The following MYL5 variants were observed in gnomAD, a reference collection of about 807,000 sequenced individuals.
MYL5 encodes the protein myosin regulatory light chain 5.
In MYL5, 28 loss-of-function variants were observed where a neutral mutation model predicts 20.8. The ratio of observed to expected loss-of-function variants is 1.35; its 90% CI spans 1.00 to 1.84. The LOEUF is 1.84. MYL5 is among the 40% of genes most tolerant of loss of function. The pLI, the probability that MYL5 is intolerant of heterozygous loss-of-function variation, is 0.00. For missense variants in MYL5, 274 were observed against 227.3 expected, an observed-to-expected ratio of 1.21 and a Z score of -1.32; for synonymous variants, 118 against 87.4, an observed-to-expected ratio of 1.35 and a Z score of -1.95.
intron 1 of MYL5, 117 bp from the exon 4 acceptor site, chr4:678,541 C>G (rs1178575551): frequency 2.0e-6 from 3 of 1,470,106 alleles, no homozygotes; most frequent in East Asian, 5.0e-5. Context: ...CTGGCCCCCT[C>G]CAGCCCGAAG....
upstream of MYL5, chr4:674,560 G>T (rs990745152): frequency 4.3e-6 from 2 of 461,160 alleles, no homozygotes; most frequent in Non-Finnish European, 7.7e-6. Flanking sequence ...GCAGGGCTGG[G>T]GGTCCGCTGT....
At chr4:674,842 G>C (rs1738724653), upstream of MYL5, 1 of 152,908 alleles carries the variant, frequency 6.5e-6, no homozygotes, top group Non-Finnish European at 1.5e-5. Flanking sequence ...GTCGCCGGCC[G>C]GGCCGCGTTG....
exon 2 of MYL5, chr4:678,727 T>C (rs1443011845): frequency 9.9e-6 from 16 of 1,612,118 alleles, no homozygotes; most frequent in Non-Finnish European, 1.4e-5. Flanking sequence ...CAATGTCTTC[T>C]CCAACTTTGA....
chr4:675,681 C>G (rs1273599371), upstream of MYL5: 3 of 152,376 alleles, frequency 2.0e-5, no homozygotes, highest in South Asian at 2.1e-4. Context: ...TCCCCAACCC[C>G]CAGGTGCAGA....
At chr4:679,717 T>TCAGCACTTA (rs1739250427) in intron 3 of MYL5, among the ~76,000 whole-genome samples, 197 bp from the exon 6 acceptor site, 1 of 152,182 alleles carries the variant, frequency 6.6e-6, no homozygotes, top group African/African-American at 2.4e-5. Flanking sequence ...CACTTAGTCC[T>TCAGCACTTA]GGGGCTCACG....
At chr4:681,170 A>T in intron 6 of MYL5, 30 bp downstream of exon 8, 1 of 1,594,716 alleles carries the variant, frequency 6.3e-7, no homozygotes. Flanking sequence ...TGCCAAGCCC[A>T]CGAGGGGAGG....
chr4:681,795 C>T, intron 6 of MYL5, 98 bp from the exon 9 acceptor site: 1 of 1,240,402 alleles, frequency 8.1e-7, no homozygotes. Context: ...CCCCGCTCCC[C>T]CTCCCGCGGC....
chr4:681,766 A>C lies in MYL5; in HGVS notation c.421-127A>C, dbSNP rs1481995973. 9.6e-6 allele frequency: 11 copies of C among 1,150,892 alleles called. No individual in the cohort carries two copies. The African/African-American group carries it at 1.9e-4, about 20-fold the overall frequency. 71.3% of individuals were successfully genotyped at this position (1,150,892 alleles called of 1,614,324 possible). A position where few individuals can be genotyped will look rare whatever the true frequency, so the allele number is the denominator to read the frequency against. On this transcript the variant is annotated intron_variant, in intron 6 of 6. Transcript: ENST00000400159. Reference sequence around the variant, plus strand: ...CCCCGCCCCCTCCAGCGCCGCCCTCACCCCGCACCCGGGCCCCTCCCCGCT... The same window carrying C: ...CCCCGCCCCCTCCAGCGCCGCCCTCCCCCCGCACCCGGGCCCCTCCCCGCT...
intron 3 of MYL5, 73 bp downstream of exon 5, chr4:679,106 G>T (rs754502735): frequency 6.2e-5 from 79 of 1,270,046 alleles, no homozygotes; most frequent in Non-Finnish European, 8.3e-5. Context: ...TCCAGACGCC[G>T]CGGCCCCTCC....
At chr4:679,271 G>A in intron 3 of MYL5, 1 of 631,766 alleles carries the variant, frequency 1.6e-6, no homozygotes, top group Non-Finnish European at 2.8e-6. Flanking sequence ...GAAACTCAGA[G>A]TGGGCTTTGA....
chr4:675,958 A>G (rs1052421863), upstream of MYL5: 1 of 152,228 alleles, frequency 6.6e-6, no homozygotes, highest in African/African-American at 2.4e-5. Flanking sequence ...CCCAGGCGCC[A>G]AAAAGGTTAG....
At chr4:676,710 C>G (rs1341179918), upstream of MYL5, among the ~76,000 whole-genome samples, 1 of 152,168 alleles carries the variant, frequency 6.6e-6, no homozygotes, top group Non-Finnish European at 1.5e-5. Context: ...CTCCCCACTC[C>G]TGCAGCCCAG....
intron 3 of MYL5, among the ~76,000 whole-genome samples, chr4:679,347 C>G (rs1370546974): frequency 1.3e-5 from 2 of 151,006 alleles, no homozygotes; most frequent in Non-Finnish European, 2.9e-5. Context: ...GCGGCTTGCC[C>G]CCAGGCAGGA....
chr4:679,856 C>G (rs769104952), intron 3 of MYL5, 58 bp from the exon 6 acceptor site: 27 of 1,481,114 alleles, frequency 1.8e-5, no homozygotes, highest in African/African-American at 5.6e-5. Context: ...GGGTCACCTG[C>G]TGGTGGCACA....
chr4:678,593 T>C (rs756867432), intron 1 of MYL5, 65 bp from the exon 4 acceptor site: 5 of 1,548,618 alleles, frequency 3.2e-6, no homozygotes, highest in Non-Finnish European at 4.4e-6. Flanking sequence ...CTCTCAAAAC[T>C]CTGGGTGCCC....
At chr4:680,952 G>T in intron 5 of MYL5, 140 bp from the exon 8 acceptor site, 1 of 965,678 alleles carries the variant, frequency 1.0e-6, no homozygotes. Flanking sequence ...GAAGGGACCT[G>T]CCCCAGGGCC....
chr4:679,795 C>T, intron 3 of MYL5, 119 bp from the exon 6 acceptor site: 5 of 815,368 alleles, frequency 6.1e-6, no homozygotes, highest in Non-Finnish European at 1.0e-5. Flanking sequence ...CCAAGCGTCT[C>T]CTTCCCGCTC....
chr4:680,766 A>C (rs1301420053), intron 5 of MYL5, 179 bp downstream of exon 7: 1 of 687,754 alleles, frequency 1.5e-6, no homozygotes, highest in African/African-American at 1.8e-5. Flanking sequence ...CCCTGCTCAC[A>C]CAGGGACCAG....
intron 6 of MYL5, among the ~76,000 whole-genome samples, chr4:681,606 C>T (rs1387963342): frequency 1.6e-5 from 2 of 126,716 alleles, no homozygotes; most frequent in Admixed American, 1.6e-4. Context: ...CGCCGCCCCG[C>T]CCCCTCCAGC....
Sources: gnomAD v4.1 joint callset for allele counts (sites outside exome capture counted in the v4.1 genomes callset) on GRCh38, gnomAD v4.1.1 for gene constraint, MANE v1.5 for transcripts, NCBI Gene and HGNC (gene_info 2026-07-23, HGNC 2026-07-21) for gene names.